Variants in IL1RAPL2 observed in about 807,000 individuals in gnomAD.
IL1RAPL2 encodes the protein X-linked interleukin-1 receptor accessory protein-like 2.
A neutral mutation model predicts 44.1 loss-of-function variants in IL1RAPL2; 3 were observed. That is an observed-to-expected ratio of 0.07 (90% CI 0.03 to 0.18). The LOEUF (loss-of-function observed/expected upper bound fraction) is 0.18, where lower values mean the gene tolerates loss of function less well. IL1RAPL2 is among the 10% of genes least tolerant of loss of function. The probability of loss-of-function intolerance (pLI) is 1.00; values close to 1 mark genes in which losing one functional copy is unlikely to be tolerated. For synonymous variants in IL1RAPL2, 181 were observed against 178.8 expected, an observed-to-expected ratio of 1.01 and a Z score of -0.10; for missense variants, 391 against 496.4, an observed-to-expected ratio of 0.79 and a Z score of 2.02.
chrX:105,077,332 G>A (rs1439384671), intron 2 of IL1RAPL2, among the ~76,000 whole-genome samples: 8 of 111,417 alleles, frequency 7.2e-5, no homozygotes, highest in African/African-American at 2.6e-4. Flanking sequence ...TGACATTCTG[G>A]GTTGAAAATT....
At chrX:104,950,775 C>G (rs866730646) in intron 2 of IL1RAPL2, among the ~76,000 whole-genome samples, 20 of 109,983 alleles carry the variant, frequency 1.8e-4, no homozygotes, top group Non-Finnish European at 3.2e-4. Context: ...GGCACAATCT[C>G]GGCTCACTGC....
At chrX:105,510,520 T>C (rs1163300842) in intron 6 of IL1RAPL2, among the ~76,000 whole-genome samples, 7 of 111,877 alleles carry the variant, frequency 6.3e-5, no homozygotes, top group Admixed American at 4.7e-4. Context: ...TAATGCCTCC[T>C]CAAAAAATGT....
chrX:105,522,668 G>A (rs188345835), intron 6 of IL1RAPL2, among the ~76,000 whole-genome samples: 1 of 111,975 alleles, frequency 8.9e-6, no homozygotes, highest in East Asian at 2.8e-4. Flanking sequence ...TACATCCATA[G>A]GTTCTGATGT....
At chrX:104,853,874 G>A (rs1353709340) in intron 2 of IL1RAPL2, among the ~76,000 whole-genome samples, 1 of 89,320 alleles carries the variant, frequency 1.1e-5, no homozygotes, top group African/African-American at 4.4e-5. Context: ...CTGCACTCCA[G>A]CCTGGGCGAC....
chrX:104,955,480 A>T (rs1490949927), intron 2 of IL1RAPL2, among the ~76,000 whole-genome samples: 1 of 93,972 alleles, frequency 1.1e-5, no homozygotes, highest in Admixed American at 1.1e-4. Flanking sequence ...ATACTCCCAG[A>T]TATATATATA....
intron 5 of IL1RAPL2, among the ~76,000 whole-genome samples, chrX:105,305,151 T>C (rs1410480123): frequency 9.0e-6 from 1 of 111,508 alleles, no homozygotes; most frequent in Non-Finnish European, 1.9e-5. Flanking sequence ...ACCTCTAGCA[T>C]TGAGTATTAC....
At chrX:105,519,900 C>G (rs1260791906) in intron 6 of IL1RAPL2, among the ~76,000 whole-genome samples, 1 of 111,681 alleles carries the variant, frequency 9.0e-6, no homozygotes, top group Non-Finnish European at 1.9e-5. Flanking sequence ...ACTTTAAACA[C>G]AGTCTGAAAA....
intron 2 of IL1RAPL2, among the ~76,000 whole-genome samples, chrX:105,022,781 C>T (rs1432605273): frequency 1.8e-5 from 2 of 110,907 alleles, no homozygotes; most frequent in Non-Finnish European, 3.8e-5. Context: ...CTGCGTTACA[C>T]TGTTCTGTCT....
intron 2 of IL1RAPL2, among the ~76,000 whole-genome samples, chrX:105,118,356 T>A (rs1234501051): frequency 8.9e-6 from 1 of 112,122 alleles, no homozygotes; most frequent in Non-Finnish European, 1.9e-5. Flanking sequence ...GCTGATCAAG[T>A]GAGAGGAAAG....
chrX:104,876,668 T>C lies in IL1RAPL2; in HGVS notation c.82+217673T>C, dbSNP rs1243189241. Among the ~76,000 whole-genome samples the C allele has an allele frequency of 6.1e-3, 642 of 105,185 alleles. 3 individuals carry two copies. Among genetic ancestry groups the C allele is most frequent in the African/African-American group, 0.015 (424 of 29,025 alleles). The allele number at this position is 105,185 out of a possible 115,157, so 91.3% of individuals were successfully genotyped here. On this transcript the variant is annotated intron_variant, in intron 2 of 10. Coordinates refer to ENST00000372582, the MANE Select transcript of IL1RAPL2 (RefSeq NM_017416.2). Reference sequence around the variant, plus strand: ...ATAGCTTTCTTTTTTTTTTTTTTTTTCAAGGGACATGCTGAATTTTATTTT... The same window carrying C: ...ATAGCTTTCTTTTTTTTTTTTTTTTCCAAGGGACATGCTGAATTTTATTTT...
rs1202183745 is a variant in IL1RAPL2 at position 105,243,600 on chromosome X, TA to T, written c.543+9597del. Among the ~76,000 whole-genome samples the T allele has an allele frequency of 1.7e-3, 151 of 86,385 alleles. 1 individual carries two copies. Among genetic ancestry groups the T allele is most frequent in the African/African-American group, 9.2e-3 (130 of 14,090 alleles). 75.0% of individuals were successfully genotyped at this position (86,385 alleles called of 115,157 possible). ...ATATATATATGTGTATATATATATA[TA>T]TATATTTTTTTTTTACAAAAGAGTT... On this transcript the variant is annotated intron_variant, in intron 4 of 10. Coordinates refer to ENST00000372582, the MANE Select transcript of IL1RAPL2 (RefSeq NM_017416.2).
intron 6 of IL1RAPL2, among the ~76,000 whole-genome samples, chrX:105,592,954 C>T (rs2037183445): frequency 9.0e-6 from 1 of 111,559 alleles, no homozygotes; most frequent in Non-Finnish European, 1.9e-5. Context: ...CTCTGCATTT[C>T]TTGAATTTAA....
At chrX:104,716,571 A>G (rs1170801762) in intron 2 of IL1RAPL2, among the ~76,000 whole-genome samples, 4 of 111,216 alleles carry the variant, frequency 3.6e-5, no homozygotes, top group Non-Finnish European at 7.6e-5. Flanking sequence ...GCTTAAATCA[A>G]CAAGCAAAAC....
chrX:104,719,982 G>A (rs768105316), intron 2 of IL1RAPL2, among the ~76,000 whole-genome samples: 1 of 111,311 alleles, frequency 9.0e-6, no homozygotes, highest in African/African-American at 3.3e-5. Flanking sequence ...TATAATTAAG[G>A]TATACAAGAA....
At position 105,319,369 on chromosome X, in the gene IL1RAPL2, G is replaced by A. The variant is rs560805701; in HGVS notation, c.697+51828G>A. 4.2e-4 allele frequency among the ~76,000 whole-genome samples: 47 copies of A among 111,713 alleles called. No homozygotes were observed. The South Asian group carries it at 6.0e-3, about 14-fold the overall frequency. The stretch of plus-strand genomic sequence containing the variant: ...GTATTAAATGTCGGTGCCCACTTTT[G>A]CAAATTCAGGCATCCAAATTGTGCC... On this transcript the variant is annotated intron_variant, in intron 5 of 10. Transcript: ENST00000372582.
chrX:105,315,901 T>C (rs974123375), intron 5 of IL1RAPL2, among the ~76,000 whole-genome samples: 6 of 109,303 alleles, frequency 5.5e-5, no homozygotes, highest in Non-Finnish European at 5.7e-5. Context: ...GTTGACTATA[T>C]GCTTTTTGAT....
intron 5 of IL1RAPL2, among the ~76,000 whole-genome samples, chrX:105,355,038 T>C (rs1027072004): frequency 2.1e-4 from 23 of 111,641 alleles, no homozygotes; most frequent in African/African-American, 7.2e-4. Context: ...ATTTATCCTG[T>C]ATATGTCCAC....
chrX:105,178,228 C>T (rs771221134), intron 2 of IL1RAPL2, among the ~76,000 whole-genome samples: 5 of 111,031 alleles, frequency 4.5e-5, no homozygotes, highest in Non-Finnish European at 9.4e-5. Context: ...GAACATGTGA[C>T]GTTTGACATT....
At chrX:105,009,312 C>T (rs776840853) in intron 2 of IL1RAPL2, among the ~76,000 whole-genome samples, 5 of 110,417 alleles carry the variant, frequency 4.5e-5, no homozygotes, top group South Asian at 7.8e-4. Flanking sequence ...ATGTTTATTG[C>T]AGCACTATTC....
Sources: gnomAD v4.1 joint callset for allele counts (sites outside exome capture counted in the v4.1 genomes callset) on GRCh38, gnomAD v4.1.1 for gene constraint, MANE v1.5 for transcripts, NCBI Gene and HGNC (gene_info 2026-07-23, HGNC 2026-07-21) for gene names.